RIMBP2: variants seen among roughly 807,000 people sequenced by gnomAD.
The protein encoded by RIMBP2 is RIMS binding protein 2, also known as RIMS-binding protein 2.
Under a neutral mutation model 118.6 loss-of-function variants are expected in RIMBP2, and 48 were observed. The observed-to-expected ratio is 0.40, with a 90% CI of 0.32 to 0.51. The LOEUF is 0.51. Ranked by LOEUF, RIMBP2 falls within the 20% of genes least tolerant of loss-of-function variation. RIMBP2 has a pLI of 0.41. For missense variants in RIMBP2, 1,551 were observed against 1,768.3 expected (o/e 0.88, Z 2.20); for synonymous variants, 762 against 742.9 (o/e 1.03, Z -0.42).
intron 2 of RIMBP2, among the ~76,000 whole-genome samples, chr12:130,546,221 A>G (rs1164521423): frequency 1.3e-5 from 2 of 149,156 alleles, no homozygotes; most frequent in African/African-American, 5.0e-5. Context: ...CTCCTGCCTC[A>G]GCCACCCGAG....
chr12:130,684,548 G>A (rs2064954936), intron 1 of RIMBP2, among the ~76,000 whole-genome samples: 1 of 152,230 alleles, frequency 6.6e-6, no homozygotes, highest in African/African-American at 2.4e-5. Flanking sequence ...TTTTTAGGAG[G>A]TGAGGTGTTT....
At chr12:130,590,521 C>A (rs958834011) in intron 2 of RIMBP2, among the ~76,000 whole-genome samples, 1 of 152,220 alleles carries the variant, frequency 6.6e-6, no homozygotes, top group Non-Finnish European at 1.5e-5. Flanking sequence ...GCAGCCCTCT[C>A]TCATCAGTGG....
chr12:130,529,830 C>A (rs1318638341), intron 2 of RIMBP2, among the ~76,000 whole-genome samples: 1 of 152,046 alleles, frequency 6.6e-6, no homozygotes, highest in African/African-American at 2.4e-5. Context: ...AAGGAGTGTG[C>A]AAACTAGATC....
intron 1 of RIMBP2, among the ~76,000 whole-genome samples, chr12:130,677,632 AAAAC>A (rs1483255333): frequency 3.9e-5 from 6 of 151,932 alleles, no homozygotes; most frequent in Admixed American, 2.0e-4. Flanking sequence ...TGTCTCAAAA[AAAAC>A]AAACAAAAAA....
chr12:130,646,992 C>T (rs1365269820), intron 1 of RIMBP2, among the ~76,000 whole-genome samples: 1 of 152,242 alleles, frequency 6.6e-6, no homozygotes, highest in Non-Finnish European at 1.5e-5. Context: ...ACGGGACAGA[C>T]ATATGCATGT....
chr12:130,438,341 C>G, intron 12 of RIMBP2, 24 bp downstream of exon 12: 1 of 1,387,658 alleles, frequency 7.2e-7, no homozygotes, highest in Non-Finnish European at 1.0e-6. Flanking sequence ...ACAAACCCTC[C>G]CCACCCACCC....
At chr12:130,470,963 G>T (rs770474586) in intron 5 of RIMBP2, among the ~76,000 whole-genome samples, 1 of 152,152 alleles carries the variant, frequency 6.6e-6, no homozygotes, top group Non-Finnish European at 1.5e-5. Context: ...AGGGGGTCTG[G>T]GACACAGATT....
rs1036694402 is a variant in RIMBP2, at chr12:130,450,345, C to A, written c.505-69G>T. On this transcript the variant is annotated intron_variant, in intron 8 of 22. Coordinates refer to ENST00000690449, the MANE Select transcript of RIMBP2 (RefSeq NM_001393629.1). The surrounding 1 kb of genome is among the most constrained non-coding windows in gnomAD (Gnocchi z 4.8). ...TGTCCCACCCCATTCCCGCGGCACA[C>A]GGGAAAGCCCCTCGCAGCTTCCTGG... 7 of 1,216,826 alleles carry A rather than the reference C, an allele frequency of 5.8e-6. No homozygotes were observed. The highest frequency in any genetic ancestry group is 8.3e-6 in the Non-Finnish European group (7 of 839,142). 75.4% of individuals were successfully genotyped at this position (1,216,826 alleles called of 1,614,324 possible). A position where few individuals can be genotyped will look rare whatever the true frequency, so the allele number is the denominator to read the frequency against.
intron 2 of RIMBP2, among the ~76,000 whole-genome samples, chr12:130,522,135 A>C (rs2052199459): frequency 6.6e-6 from 1 of 152,238 alleles, no homozygotes; most frequent in Non-Finnish European, 1.5e-5. Context: ...AGAACGTGCC[A>C]GTTAAGGAGA....
intron 2 of RIMBP2, among the ~76,000 whole-genome samples, chr12:130,535,254 T>C (rs1334684967): frequency 2.0e-5 from 3 of 152,120 alleles, no homozygotes; most frequent in African/African-American, 7.2e-5. Flanking sequence ...ATCCCAGTGC[T>C]TTGGGAGTCC....
intron 19 of RIMBP2, among the ~76,000 whole-genome samples, chr12:130,409,207 A>G (rs1202079750): frequency 6.6e-6 from 1 of 152,130 alleles, no homozygotes; most frequent in Admixed American, 6.6e-5. Context: ...CCCCACAACA[A>G]TCAAGATATA....
At chr12:130,544,515 T>A (rs2054918781) in intron 2 of RIMBP2, among the ~76,000 whole-genome samples, 1 of 151,530 alleles carries the variant, frequency 6.6e-6, no homozygotes. Flanking sequence ...CTTAGCACGC[T>A]GGTCATGTTT....
Position 130,622,487 on chromosome 12 carries a change from TATATATA to T in RIMBP2, c.-217+5828_-217+5834del, listed in dbSNP as rs1420609183. Among the ~76,000 whole-genome samples, 3 of 151,878 alleles carry T rather than the reference TATATATA, an allele frequency of 2.0e-5. No individual in the cohort carries two copies. Among genetic ancestry groups the T allele is most frequent in the Non-Finnish European group, 2.9e-5 (2 of 67,970 alleles). On this transcript the variant is annotated intron_variant, in intron 2 of 22. Coordinates refer to ENST00000690449, the MANE Select transcript of RIMBP2 (RefSeq NM_001393629.1). The surrounding 1 kb of genome is among the most constrained non-coding windows in gnomAD (Gnocchi z 8.5). ...AATTCTCTACTATTTTTCATATATT[TATATATA>T]ATATATATTTGATAATAGAGATGGA...
intron 6 of RIMBP2, among the ~76,000 whole-genome samples, chr12:130,466,727 C>T (rs759484474): frequency 2.6e-5 from 4 of 152,298 alleles, no homozygotes; most frequent in South Asian, 2.1e-4. Context: ...AAAACAGTTC[C>T]GCTGAAGTTC....
chr12:130,501,614 A>C (rs76828392), intron 4 of RIMBP2, among the ~76,000 whole-genome samples: 3 of 152,100 alleles, frequency 2.0e-5, no homozygotes, highest in African/African-American at 7.2e-5. Flanking sequence ...TTTTCCAATA[A>C]TTTTCTGCAT....
Position 130,710,873 on chromosome 12 carries a change from A to G in RIMBP2, c.-352+5349T>C, listed in dbSNP as rs1949868172. Among the ~76,000 whole-genome samples, 1 of 152,200 alleles carries G rather than the reference A, an allele frequency of 6.6e-6. No individual in the cohort carries two copies. The highest frequency in any genetic ancestry group is 1.5e-5 in the Non-Finnish European group (1 of 68,034). ...AAGCCCCACTGCTCCCAATCCTCAC[A>G]GGCCCCGCACGTCACACGTGGGGTC... On this transcript the variant is annotated intron_variant, in intron 1 of 22. Transcript: ENST00000690449. This position sits in a 1 kb window ranked among gnomAD's most constrained non-coding sequence, Gnocchi z 4.3.
Position 130,629,436 on chromosome 12 carries a change from A to G in RIMBP2, c.-351-980T>C, listed in dbSNP as rs150837279. 3.9e-5 allele frequency among the ~76,000 whole-genome samples: 6 copies of G among 152,230 alleles called. No homozygotes were observed. The East Asian group carries it at 1.2e-3, about 29-fold the overall frequency. On this transcript the variant is annotated intron_variant, in intron 1 of 22. Coordinates refer to ENST00000690449, the MANE Select transcript of RIMBP2 (RefSeq NM_001393629.1). Reference sequence around the variant, plus strand: ...AACAGGCATGCATAATGTTAGTTCAAGCTAGAATCTAATAAAATTTAGAAT... The same window carrying G: ...AACAGGCATGCATAATGTTAGTTCAGGCTAGAATCTAATAAAATTTAGAAT...
In RIMBP2 at chr12:130,598,608, G is replaced by T. The variant is rs1188740156; in HGVS notation, c.-217+29714C>A. Among the ~76,000 whole-genome samples, 5 of 152,030 alleles carry T rather than the reference G, an allele frequency of 3.3e-5. No homozygotes were observed. The East Asian group carries it at 9.7e-4, about 30-fold the overall frequency. ...CTGGGCGTGGTGGCAGGTGCCTGTA[G>T]TCCCAGCTACTTGGGAGGCTGAGGC... is the stretch of plus-strand genomic sequence containing the variant. On this transcript the variant is annotated intron_variant, in intron 2 of 22. Transcript: ENST00000690449.
intron 1 of RIMBP2, among the ~76,000 whole-genome samples, chr12:130,692,742 T>A (rs2065368972): frequency 6.6e-6 from 1 of 150,736 alleles, no homozygotes; most frequent in Admixed American, 6.6e-5. Flanking sequence ...ATAGGTGGAA[T>A]GGGGTAGAAT....
Sources: gnomAD v4.1 joint callset for allele counts (sites outside exome capture counted in the v4.1 genomes callset) on GRCh38, gnomAD v4.1.1 for gene constraint, Gnocchi (gnomAD v3.1) non-coding constraint, MANE v1.5 for transcripts, NCBI Gene and HGNC (gene_info 2026-07-23, HGNC 2026-07-21) for gene names.